IL10RB: variants seen among roughly 807,000 people sequenced by gnomAD.
The protein encoded by IL10RB is interleukin-10 receptor subunit beta.
In IL10RB, 30 loss-of-function variants were observed where a neutral mutation model predicts 38.7. That is an observed-to-expected ratio of 0.78 (90% CI 0.58 to 1.05). The LOEUF is 1.05. IL10RB is among the 50% of genes least tolerant of loss of function. IL10RB has a pLI of 0.00. For synonymous variants in IL10RB, 142 were observed against 145.9 expected, an observed-to-expected ratio of 0.97 and a Z score of 0.19; for missense variants, 328 against 397.1, an observed-to-expected ratio of 0.83 and a Z score of 1.48.
chr21:33,297,838 G>A (rs2123608601), downstream of IL10RB, among the ~76,000 whole-genome samples: 1 of 148,058 alleles, frequency 6.8e-6, no homozygotes, highest in Middle Eastern at 3.4e-3. Flanking sequence ...AGAAAGAAAG[G>A]AAAGAAAAAA....
chr21:33,274,248 T>C (rs1712435773), intron 2 of IL10RB, among the ~76,000 whole-genome samples: 1 of 152,208 alleles, frequency 6.6e-6, no homozygotes, highest in African/African-American at 2.4e-5. Flanking sequence ...TGCAGTGGTA[T>C]GATCTCAGAT....
intron 3 of IL10RB, among the ~76,000 whole-genome samples, chr21:33,277,660 C>G (rs1268772396): frequency 4.2e-5 from 4 of 95,786 alleles, no homozygotes; most frequent in Non-Finnish European, 9.3e-5. Context: ...TTTTTTCTTT[C>G]TTTCTTTCTT....
At chr21:33,294,679 A>G (rs1989556242) in intron 6 of IL10RB, among the ~76,000 whole-genome samples, 1 of 152,208 alleles carries the variant, frequency 6.6e-6, no homozygotes, top group Non-Finnish European at 1.5e-5. Flanking sequence ...AGCTACCCTC[A>G]GGTTCCATTA....
At chr21:33,274,095 T>A (rs1989128841) in intron 2 of IL10RB, among the ~76,000 whole-genome samples, 1 of 152,220 alleles carries the variant, frequency 6.6e-6, no homozygotes, top group Non-Finnish European at 1.5e-5. Flanking sequence ...TCTGGGAGGT[T>A]TTCAATTTAC....
chr21:33,294,213 C>A, intron 6 of IL10RB: 1 of 338,588 alleles, frequency 3.0e-6, no homozygotes, highest in Non-Finnish European at 5.9e-6. Context: ...CCTCACATCA[C>A]GACTTTCTCC....
chr21:33,267,502 G>GTTTGTTTTTTTTT (rs1477718652), intron 1 of IL10RB, among the ~76,000 whole-genome samples: 3 of 102,710 alleles, frequency 2.9e-5, no homozygotes, highest in African/African-American at 1.1e-4. Flanking sequence ...TTGTTTGTTT[G>GTTTGTTTTTTTTT]TTTTTTTGTT....
intron 6 of IL10RB, among the ~76,000 whole-genome samples, chr21:33,291,581 G>A (rs532778370): frequency 3.9e-5 from 6 of 152,232 alleles, no homozygotes; most frequent in East Asian, 3.9e-4. Context: ...CATGAATTTT[G>A]TAGGAACAGA....
rs2123605998 is a variant in IL10RB at position 33,296,169 on chromosome 21, T to C, written c.805-15T>C. 6.2e-7 allele frequency: 1 copy of C among 1,606,498 alleles called. No homozygotes were observed. The highest frequency in any genetic ancestry group is 8.5e-7 in the Non-Finnish European group (1 of 1,172,996). On this transcript the variant is annotated splice_polypyrimidine_tract_variant and intron_variant, in intron 6 of 6. Transcript: ENST00000290200. ...GGAGAAAATTGATCATTAACTGTCC[T>C]CTTTCCCTCCACAGTTTTTGGGCCA...
intron 2 of IL10RB, among the ~76,000 whole-genome samples, chr21:33,272,118 A>G (rs1329312949): frequency 2.0e-5 from 3 of 152,210 alleles, no homozygotes. Flanking sequence ...TATTTGTGGT[A>G]TATTAAGTGA....
At chr21:33,271,584 C>T (rs944544507) in intron 2 of IL10RB, among the ~76,000 whole-genome samples, 20 of 151,928 alleles carry the variant, frequency 1.3e-4, no homozygotes, top group South Asian at 1.0e-3. Flanking sequence ...CAAAATTAGC[C>T]GGGTATGGTG....
chr21:33,284,695 G>A (rs1024565168), intron 5 of IL10RB, among the ~76,000 whole-genome samples: 1 of 152,072 alleles, frequency 6.6e-6, no homozygotes, highest in South Asian at 2.1e-4. Context: ...CTGTCCTCCC[G>A]AGAGTGAGTG....
At chr21:33,270,743 C>G (rs1989063641) in intron 2 of IL10RB, among the ~76,000 whole-genome samples, 1 of 150,896 alleles carries the variant, frequency 6.6e-6, no homozygotes, top group Admixed American at 6.6e-5. Context: ...GGTACGACCT[C>G]TGCTCACTGC....
chr21:33,292,741 A>G (rs572488972), intron 6 of IL10RB, among the ~76,000 whole-genome samples: 34 of 152,282 alleles, frequency 2.2e-4, no homozygotes, highest in African/African-American at 7.7e-4. Flanking sequence ...GGGATTTGCC[A>G]TAAACTCCAC....
Position 33,296,474 on chromosome 21 carries a change from C to G in IL10RB, c.*117C>G. ...AAGACCATCTGAGCCAGCCCCACAT[C>G]TAGAACTCCCAGACCCTGGACTTAG... On this transcript the variant is annotated 3_prime_UTR_variant, in exon 7 of 7. Coordinates refer to ENST00000290200, the MANE Select transcript of IL10RB (RefSeq NM_000628.5). 1 of 978,502 alleles carries G rather than the reference C, an allele frequency of 1.0e-6. No homozygotes were observed. Among genetic ancestry groups the G allele is most frequent in the East Asian group, 2.6e-5 (1 of 38,732 alleles). The allele number at this position is 978,502 out of a possible 1,614,324, so 60.6% of individuals were successfully genotyped here.
rs2082968888 is a variant in IL10RB at position 33,296,713 on chromosome 21, C to T, written c.*356C>T. The T allele has an allele frequency of 5.2e-6, 2 of 383,520 alleles. No homozygotes were observed. Among genetic ancestry groups the T allele is most frequent in the Non-Finnish European group, 1.0e-5 (2 of 194,914 alleles). The allele number at this position is 383,520 out of a possible 1,614,324, so 23.8% of individuals were successfully genotyped here. A position where few individuals can be genotyped will look rare whatever the true frequency, so the allele number is the denominator to read the frequency against. On this transcript the variant is annotated 3_prime_UTR_variant, in exon 7 of 7. Coordinates refer to ENST00000290200, the MANE Select transcript of IL10RB (RefSeq NM_000628.5). Reference sequence around the variant, plus strand: ...CCTGTAATACCAGCACCTTAGAGGTCGAGGCAGGCGGATCACTTGAGGTCA... The same window carrying T: ...CCTGTAATACCAGCACCTTAGAGGTTGAGGCAGGCGGATCACTTGAGGTCA...
rs1427586479 is a variant in IL10RB, at chr21:33,288,504, G to A, written c.804+243G>A. On this transcript the variant is annotated intron_variant, in intron 6 of 6. Coordinates refer to ENST00000290200, the MANE Select transcript of IL10RB (RefSeq NM_000628.5). ...GCGGGGTTGTCCAGTATCCCTCTCTGCACCTAGGGCATCGCTCCTTCTCCA... is the reference window on the plus strand; with the variant it reads ...GCGGGGTTGTCCAGTATCCCTCTCTACACCTAGGGCATCGCTCCTTCTCCA... Among the ~76,000 whole-genome samples, 3 of 152,150 alleles carry A rather than the reference G, an allele frequency of 2.0e-5. No homozygotes were observed. The East Asian group carries it at 5.8e-4, about 29-fold the overall frequency.
intron 2 of IL10RB, among the ~76,000 whole-genome samples, chr21:33,273,611 T>C (rs1159300202): frequency 2.0e-5 from 3 of 152,220 alleles, no homozygotes; most frequent in Admixed American, 1.3e-4. Context: ...CAACTAACTC[T>C]TCCTTTCATG....
chr21:33,308,745 A>G (rs1212100242), intron 1 of IL10RB: 1 of 152,258 alleles, frequency 6.6e-6, no homozygotes, highest in Non-Finnish European at 1.5e-5. Context: ...GACCAGCAGC[A>G]TCAGCACCAC....
intron 1 of IL10RB, among the ~76,000 whole-genome samples, chr21:33,305,546 A>G (rs1003739382): frequency 2.6e-5 from 4 of 152,236 alleles, no homozygotes; most frequent in African/African-American, 7.2e-5. Flanking sequence ...TGAGAAAGGC[A>G]TAATGAAGGA....
Sources: gnomAD v4.1 joint callset for allele counts (sites outside exome capture counted in the v4.1 genomes callset) on GRCh38, gnomAD v4.1.1 for gene constraint, MANE v1.5 for transcripts, NCBI Gene and HGNC (gene_info 2026-07-23, HGNC 2026-07-21) for gene names.